Variants in BCAP29 observed in about 807,000 individuals in gnomAD.
BCAP29 encodes B cell receptor associated protein 29, also known as B-cell receptor-associated protein 29.
In BCAP29, 34 loss-of-function variants were observed where a neutral mutation model predicts 31.8. The observed-to-expected ratio is 1.07, with a 90% confidence interval of 0.81 to 1.42. BCAP29 has a LOEUF of 1.42. Among genes scored for constraint, BCAP29 ranks in the 40% most tolerant of loss-of-function variants. The pLI, the probability that BCAP29 is intolerant of heterozygous loss-of-function variation, is 0.00. For synonymous variants in BCAP29, 104 were observed against 91.3 expected (o/e 1.14, Z -0.79); for missense variants, 314 against 269.2 (o/e 1.17, Z -1.16).
At chr7:107,597,222 AC>A (rs1180144052) in intron 5 of BCAP29, among the ~76,000 whole-genome samples, 1 of 151,972 alleles carries the variant, frequency 6.6e-6, no homozygotes, top group Non-Finnish European at 1.5e-5. Context: ...TTGTGAAAAC[AC>A]CCCCTTTGTT....
intron 7 of BCAP29, 132 bp downstream of exon 7, chr7:107,613,564 A>C (rs1210190896): frequency 1.4e-6 from 2 of 1,399,480 alleles, no homozygotes; most frequent in Admixed American, 1.9e-5. Context: ...CGATTTAAAG[A>C]AGCCAGATTT....
In BCAP29 at chr7:107,583,804, G is replaced by A. The variant is rs1480527261; in HGVS notation, c.93-78G>A. The A allele has an allele frequency of 3.2e-5, 19 of 602,940 alleles. No homozygotes were observed. In the South Asian group the frequency reaches 3.9e-4, roughly 12 times the overall value. 37.3% of individuals were successfully genotyped at this position (602,940 alleles called of 1,614,324 possible). A position where few individuals can be genotyped will look rare whatever the true frequency, so the allele number is the denominator to read the frequency against. On this transcript the variant is annotated intron_variant, in intron 2 of 7. Coordinates refer to ENST00000005259, the MANE Select transcript of BCAP29 (RefSeq NM_018844.4). ...TCACTTGCTACACAATTACTAAAAT[G>A]TTACTTCAGTATTTAAAAAGTATTT...
chr7:107,619,417 A>G lies in BCAP29; in HGVS notation c.*1054A>G. On this transcript the variant is annotated 3_prime_UTR_variant, in exon 8 of 8. Coordinates refer to ENST00000005259, the MANE Select transcript of BCAP29 (RefSeq NM_018844.4). ...GACATGAAATCATCTTCCTTGTCTC[A>G]TGAAAACCTAAATATAAAAAAAAGG... The G allele has an allele frequency of 6.6e-6, 1 of 152,226 alleles. No homozygotes were observed. Among genetic ancestry groups the G allele is most frequent in the East Asian group, 1.9e-4 (1 of 5,202 alleles). The allele number at this position is 152,226 out of a possible 1,614,324, so 9.4% of individuals were successfully genotyped here. A position where few individuals can be genotyped will look rare whatever the true frequency, so the allele number is the denominator to read the frequency against.
chr7:107,608,183 T>G (rs1280807510), intron 6 of BCAP29, among the ~76,000 whole-genome samples: 2 of 151,006 alleles, frequency 1.3e-5, no homozygotes, highest in Non-Finnish European at 2.9e-5. Flanking sequence ...TGGGGATCAG[T>G]GTGCAAATGA....
At chr7:107,596,507 CTTTT>C (rs1338501530) in intron 5 of BCAP29, among the ~76,000 whole-genome samples, 2 of 152,088 alleles carry the variant, frequency 1.3e-5, no homozygotes, top group Non-Finnish European at 2.9e-5. Context: ...TATTTTCTAT[CTTTT>C]GATCTCATTT....
Position 107,595,926 on chromosome 7 carries a change from G to C in BCAP29, c.404G>C (p.Gly135Ala). The change falls in exon 5 of 8, where the codon GGT becomes GCT. Residue 135 changes from glycine to alanine, a missense_variant. Coordinates refer to ENST00000005259, the MANE Select transcript of BCAP29 (RefSeq NM_018844.4). The part of the protein sequence containing the change: ...TQLAKELSNK[G>A]VLKTQAENTN... ...CTGGCAAAAGAACTGTCAAACAAAG[G>C]TGTACTTAAAACTCAAGCAGAAAAT... is the stretch of plus-strand genomic sequence containing the variant. The C allele has an allele frequency of 6.3e-7, 1 of 1,599,690 alleles. No individual in the cohort carries two copies. Among genetic ancestry groups the C allele is most frequent in the Non-Finnish European group, 8.5e-7 (1 of 1,175,574 alleles).
chr7:107,587,806 A>G (rs942812964), intron 3 of BCAP29: 1 of 152,116 alleles, frequency 6.6e-6, no homozygotes, highest in African/African-American at 2.4e-5. Flanking sequence ...GAAAGTTATC[A>G]AAAAGGACCC....
chr7:107,604,306 G>T (rs968910725), intron 6 of BCAP29, among the ~76,000 whole-genome samples: 9 of 152,218 alleles, frequency 5.9e-5, no homozygotes, highest in Admixed American at 5.2e-4. Flanking sequence ...TTAACATAGG[G>T]ACCAGATAGT....
chr7:107,597,822 C>A (rs1810136859), intron 5 of BCAP29, among the ~76,000 whole-genome samples: 1 of 152,168 alleles, frequency 6.6e-6, no homozygotes, highest in Non-Finnish European at 1.5e-5. Context: ...TGACCACTTT[C>A]TGTTCTGATA....
At chr7:107,613,660 A>G in intron 7 of BCAP29, 1 of 1,605,642 alleles carries the variant, frequency 6.2e-7, no homozygotes, top group Non-Finnish European at 8.5e-7. Context: ...ACAGCATTCC[A>G]GTTTTGGTGA....
intron 4 of BCAP29, among the ~76,000 whole-genome samples, chr7:107,595,363 T>A (rs1809626556): frequency 6.6e-6 from 1 of 152,198 alleles, no homozygotes; most frequent in Non-Finnish European, 1.5e-5. Context: ...TGGCAGAGTG[T>A]CTTAACACTT....
chr7:107,602,459 A>C (rs190300066), intron 6 of BCAP29, among the ~76,000 whole-genome samples: 4 of 152,246 alleles, frequency 2.6e-5, no homozygotes, highest in Non-Finnish European at 5.9e-5. Flanking sequence ...GTACCACTCA[A>C]AAATGTTCAT....
chr7:107,595,023 TATTG>T, intron 4 of BCAP29, among the ~76,000 whole-genome samples: 1 of 152,150 alleles, frequency 6.6e-6, no homozygotes, highest in Non-Finnish European at 1.5e-5. Flanking sequence ...TTGCAACAGA[TATTG>T]ATTGAGTTCT....
At chr7:107,612,431 A>ATTTT (rs1563141469) in intron 6 of BCAP29, among the ~76,000 whole-genome samples, 1 of 38,074 alleles carries the variant, frequency 2.6e-5, no homozygotes, top group African/African-American at 6.7e-5. Flanking sequence ...ATATATATAT[A>ATTTT]TATATATATT....
intron 2 of BCAP29, among the ~76,000 whole-genome samples, chr7:107,583,577 C>G (rs1323005793): frequency 6.6e-6 from 1 of 152,044 alleles, no homozygotes; most frequent in Admixed American, 6.6e-5. Flanking sequence ...TAGCTTCTAT[C>G]AACAATATAA....
At chr7:107,622,131 C>G, downstream of BCAP29, 1 of 389,254 alleles carries the variant, frequency 2.6e-6, no homozygotes, top group Non-Finnish European at 5.1e-6. Flanking sequence ...ATCATCATCT[C>G]TCACATGGAC....
Position 107,583,975 on chromosome 7 carries a change from A to T in BCAP29, c.186A>T (p.Leu62=). 1 of 1,546,914 alleles carries T rather than the reference A, an allele frequency of 6.5e-7. No individual in the cohort carries two copies. Among genetic ancestry groups the T allele is most frequent in the Non-Finnish European group, 8.8e-7 (1 of 1,137,674 alleles). Residue 62 remains leucine, a synonymous_variant, in exon 3 of 8, where the codon CTA becomes CTT. Transcript: ENST00000005259. ...CCATTATCATCCTATTGATTGTTCT[A>T]TTTCTAGGTAAGTACTAGATCCCTT... ...FLTIIILLIV[L]FLDAVREVRK... is the part of the protein sequence containing the mutation.
At chr7:107,586,618 G>T (rs1002177435) in intron 3 of BCAP29, among the ~76,000 whole-genome samples, 2 of 151,942 alleles carry the variant, frequency 1.3e-5, no homozygotes, top group African/African-American at 4.8e-5. Context: ...AAAACCAGTG[G>T]ATTACTCATG....
Position 107,615,579 on chromosome 7 carries a change from G to A in BCAP29, c.690+2147G>A, listed in dbSNP as rs1813976009. Reference sequence around the variant, plus strand: ...CTTTTGCACTCCAGCCTGGGTGACAGAGCGAGACTCCATCTCAGAAAAAAA... The same window carrying A: ...CTTTTGCACTCCAGCCTGGGTGACAAAGCGAGACTCCATCTCAGAAAAAAA... On this transcript the variant is annotated intron_variant, in intron 7 of 7. Coordinates refer to ENST00000005259, the MANE Select transcript of BCAP29 (RefSeq NM_018844.4). 12 of 247,980 alleles carry A rather than the reference G, an allele frequency of 4.8e-5. No homozygotes were observed. The South Asian group carries it at 6.1e-4, about 13-fold the overall frequency. 15.4% of individuals were successfully genotyped at this position (247,980 alleles called of 1,614,324 possible). A position where few individuals can be genotyped will look rare whatever the true frequency, so the allele number is the denominator to read the frequency against.
Sources: gnomAD v4.1 joint callset for allele counts (sites outside exome capture counted in the v4.1 genomes callset) on GRCh38, gnomAD v4.1.1 for gene constraint, MANE v1.5 for transcripts, NCBI Gene and HGNC (gene_info 2026-07-23, HGNC 2026-07-21) for gene names.